PCDH15: variants seen among roughly 807,000 people sequenced by gnomAD.
PCDH15 encodes the protein protocadherin-15.
PCDH15 carries 129 observed loss-of-function variants against 178.5 expected under a neutral mutation model. That is an observed-to-expected ratio of 0.72 (90% CI 0.63 to 0.84). The LOEUF (loss-of-function observed/expected upper bound fraction) is 0.84. Ranked by LOEUF, PCDH15 falls within the 40% of genes least tolerant of loss-of-function variation. PCDH15 has a pLI of 0.00. For missense variants in PCDH15, 2,230 were observed against 2,099.9 expected (o/e 1.06, Z -1.21); for synonymous variants, 800 against 732.0 (o/e 1.09, Z -1.50).
intron 2 of PCDH15, among the ~76,000 whole-genome samples, chr10:55,333,997 C>T (rs970497126): frequency 8.6e-5 from 13 of 151,220 alleles, no homozygotes; most frequent in African/African-American, 2.7e-4. Flanking sequence ...TTATATGTTC[C>T]TTACATTTTT....
chr10:55,264,733 C>T (rs760748733), intron 1 of PCDH15, among the ~76,000 whole-genome samples: 4 of 152,158 alleles, frequency 2.6e-5, no homozygotes, highest in Non-Finnish European at 5.9e-5. Context: ...GAAGGAAAAA[C>T]TCCTCATAGC....
chr10:55,303,757 C>A lies in PCDH15; in HGVS notation c.-156+15842G>T, dbSNP rs151056113. 5.0e-3 allele frequency among the ~76,000 whole-genome samples: 764 copies of A among 151,722 alleles called. 11 individuals carry two copies. Among genetic ancestry groups the A allele is most frequent in the African/African-American group, 0.017 (712 of 41,406 alleles). ...TATCTATAGAGTCTTTAGTGATATTCTTTATTTCATTCATGATATTGATAA... is the reference window on the plus strand; with the variant it reads ...TATCTATAGAGTCTTTAGTGATATTATTTATTTCATTCATGATATTGATAA... On this transcript the variant is annotated intron_variant, in intron 1 of 5. Coordinates refer to the PCDH15 transcript ENST00000458638.
intron 1 of PCDH15, among the ~76,000 whole-genome samples, chr10:55,201,649 A>T (rs1450530141): frequency 2.0e-5 from 3 of 152,160 alleles, no homozygotes; most frequent in Non-Finnish European, 4.4e-5. Flanking sequence ...GCTGGTCCAC[A>T]TACTATTGAT....
chr10:54,130,537 G>C (rs577872338), intron 15 of PCDH15, among the ~76,000 whole-genome samples: 44 of 152,208 alleles, frequency 2.9e-4, no homozygotes, highest in African/African-American at 1.0e-3. Context: ...CAGCCGTCAG[G>C]CAAAACTGCA....
intron 3 of PCDH15, among the ~76,000 whole-genome samples, chr10:54,894,278 G>T (rs2131819067): frequency 6.6e-6 from 1 of 152,122 alleles, no homozygotes; most frequent in South Asian, 2.1e-4. Flanking sequence ...TATAATCTGT[G>T]GTTACTTATA....
At chr10:53,926,049 G>A (rs971289640) in intron 25 of PCDH15, among the ~76,000 whole-genome samples, 6 of 152,106 alleles carry the variant, frequency 3.9e-5, no homozygotes, top group Admixed American at 2.0e-4. Flanking sequence ...AAGATCAAAA[G>A]TATAAAATCA....
chr10:53,989,569 C>T (rs1033262084), intron 21 of PCDH15, among the ~76,000 whole-genome samples: 3 of 152,038 alleles, frequency 2.0e-5, no homozygotes, highest in African/African-American at 7.2e-5. Flanking sequence ...GTATTTGAGA[C>T]AAATGGGAGT....
rs1042272713 is a variant in PCDH15 at position 54,673,306 on chromosome 10, G to A, written c.-28-9016C>T. On this transcript the variant is annotated intron_variant, in intron 1 of 37. Coordinates refer to ENST00000644397, the MANE Select transcript of PCDH15 (RefSeq NM_001384140.1). ...TTTTCATTGTTCAGCTCCCACTTAC[G>A]AGTGAGAATATGCGGTGCTTGGTTT... Among the ~76,000 whole-genome samples the A allele has an allele frequency of 2.0e-5, 3 of 151,854 alleles. No individual in the cohort carries two copies. In the South Asian group the frequency reaches 6.2e-4, roughly 32 times the overall value.
chr10:54,967,930 G>T (rs1200648323), intron 2 of PCDH15, among the ~76,000 whole-genome samples: 1 of 151,998 alleles, frequency 6.6e-6, no homozygotes, highest in East Asian at 1.9e-4. Flanking sequence ...TGTCCTCATA[G>T]AACACAACAG....
At chr10:55,567,766 A>T (rs1362539875) in intron 2 of PCDH15, among the ~76,000 whole-genome samples, 1 of 151,936 alleles carries the variant, frequency 6.6e-6, no homozygotes, top group Non-Finnish European at 1.5e-5. Flanking sequence ...AAGCGCGATG[A>T]CTGGGTGTTC....
chr10:55,533,617 T>C (rs1047307521), intron 2 of PCDH15, among the ~76,000 whole-genome samples: 17 of 152,106 alleles, frequency 1.1e-4, no homozygotes, highest in African/African-American at 3.6e-4. Context: ...GCTCATTGAA[T>C]AGAAAAATAA....
intron 14 of PCDH15, among the ~76,000 whole-genome samples, chr10:54,143,724 A>G (rs754435583): frequency 2.0e-5 from 3 of 152,144 alleles, no homozygotes; most frequent in Non-Finnish European, 4.4e-5. Flanking sequence ...ATCTACTTAT[A>G]AGCTTTAAGT....
At chr10:55,484,461 T>A (rs1169851996) in intron 2 of PCDH15, among the ~76,000 whole-genome samples, 2 of 151,666 alleles carry the variant, frequency 1.3e-5, no homozygotes, top group Non-Finnish European at 2.9e-5. Flanking sequence ...TGTTAAAATG[T>A]TCATACTACC....
intron 2 of PCDH15, among the ~76,000 whole-genome samples, chr10:55,596,301 T>C (rs956651952): frequency 6.6e-6 from 1 of 152,130 alleles, no homozygotes; most frequent in Non-Finnish European, 1.5e-5. Flanking sequence ...CTACTTTTTT[T>C]TCTTTGCTCG....
chr10:54,566,703 T>C (rs2089094745), intron 2 of PCDH15, among the ~76,000 whole-genome samples: 1 of 152,168 alleles, frequency 6.6e-6, no homozygotes, highest in Non-Finnish European at 1.5e-5. Flanking sequence ...TAATAGTCCA[T>C]TGTCTGAAGG....
At chr10:54,980,686 G>A (rs1423507533) in intron 2 of PCDH15, among the ~76,000 whole-genome samples, 1 of 151,586 alleles carries the variant, frequency 6.6e-6, no homozygotes, top group Non-Finnish European at 1.5e-5. Context: ...ATTTTCTTTT[G>A]TTTGATTCTC....
At chr10:55,219,576 T>A (rs1840809857) in intron 1 of PCDH15, among the ~76,000 whole-genome samples, 2 of 151,378 alleles carry the variant, frequency 1.3e-5, no homozygotes, top group Non-Finnish European at 3.0e-5. Context: ...ACATATATAA[T>A]AATATAAATT....
chr10:54,773,567 G>C (rs1949342296), intron 1 of PCDH15, among the ~76,000 whole-genome samples: 1 of 152,132 alleles, frequency 6.6e-6, no homozygotes, highest in Non-Finnish European at 1.5e-5. Context: ...TGGAGAAGGA[G>C]AGATCTCACT....
At chr10:55,106,520 A>T (rs1258545537) in intron 2 of PCDH15, among the ~76,000 whole-genome samples, 9 of 152,068 alleles carry the variant, frequency 5.9e-5, no homozygotes, top group Non-Finnish European at 1.2e-4. Flanking sequence ...GGTTCAAGCT[A>T]TTCTCCTGCC....
Sources: gnomAD v4.1 joint callset for allele counts (sites outside exome capture counted in the v4.1 genomes callset) on GRCh38, gnomAD v4.1.1 for gene constraint, MANE v1.5 for transcripts, NCBI Gene and HGNC (gene_info 2026-07-23, HGNC 2026-07-21) for gene names.